Variants in EEPD1 observed in about 807,000 individuals in gnomAD.
EEPD1 encodes endonuclease/exonuclease/phosphatase family domain containing 1, also known as endonuclease/exonuclease/phosphatase family domain-containing protein 1.
Under a neutral mutation model 46.3 loss-of-function variants are expected in EEPD1, and 17 were observed. The ratio of observed to expected loss-of-function variants is 0.37; its 90% CI spans 0.25 to 0.55. The LOEUF (loss-of-function observed/expected upper bound fraction) is 0.55. Among genes scored for constraint, EEPD1 ranks in the 20% least tolerant of loss-of-function variants. The probability of loss-of-function intolerance (pLI) is 0.83; values close to 1 mark genes in which losing one functional copy is unlikely to be tolerated. For missense variants in EEPD1, 673 were observed against 745.6 expected (o/e 0.90, Z 1.13); for synonymous variants, 313 against 315.6 (o/e 0.99, Z 0.09).
chr7:36,269,986 C>T (rs924968452), intron 3 of EEPD1, among the ~76,000 whole-genome samples: 4 of 152,136 alleles, frequency 2.6e-5, no homozygotes, highest in East Asian at 3.8e-4. Flanking sequence ...ATGAAAGCTT[C>T]GCCACCAAGG....
At chr7:36,254,031 T>G (rs772712364) in intron 3 of EEPD1, among the ~76,000 whole-genome samples, 188 of 152,228 alleles carry the variant, frequency 1.2e-3, no homozygotes, top group Non-Finnish European at 7.8e-4. Context: ...TCTTTTGCAT[T>G]AAGTGAATAT....
intron 2 of EEPD1, among the ~76,000 whole-genome samples, chr7:36,168,741 G>A (rs1258395370): frequency 2.8e-5 from 4 of 143,758 alleles, no homozygotes; most frequent in African/African-American, 1.0e-4. Flanking sequence ...CTGGGCGACA[G>A]AGCAAGACTC....
chr7:36,162,793 T>G (rs1348410213), intron 2 of EEPD1, among the ~76,000 whole-genome samples: 2 of 152,338 alleles, frequency 1.3e-5, no homozygotes, highest in South Asian at 2.1e-4. Flanking sequence ...ATTAAGCTGT[T>G]AAGCTGGGCC....
intron 3 of EEPD1, among the ~76,000 whole-genome samples, chr7:36,250,984 T>C (rs575317773): frequency 3.3e-5 from 5 of 152,320 alleles, no homozygotes; most frequent in African/African-American, 1.2e-4. Flanking sequence ...TAGTGCCCAG[T>C]CAACAGGGGG....
intron 2 of EEPD1, among the ~76,000 whole-genome samples, chr7:36,211,189 C>T (rs375329972): frequency 2.0e-5 from 3 of 152,190 alleles, no homozygotes; most frequent in South Asian, 2.1e-4. Flanking sequence ...CGGTGCCCTT[C>T]GGTGCCCAGA....
intron 3 of EEPD1, among the ~76,000 whole-genome samples, chr7:36,253,919 AC>A (rs1786787907): frequency 6.6e-6 from 1 of 152,100 alleles, no homozygotes; most frequent in Non-Finnish European, 1.5e-5. Context: ...TAGTCCATTC[AC>A]ATTTAATGCT....
At chr7:36,176,003 C>A (rs2115642041) in intron 2 of EEPD1, among the ~76,000 whole-genome samples, 1 of 152,308 alleles carries the variant, frequency 6.6e-6, no homozygotes, top group Middle Eastern at 3.4e-3. Flanking sequence ...GGCGTGGGCC[C>A]TTTCAGCCCT....
Position 36,241,066 on chromosome 7 carries a change from G to A in EEPD1, c.930+2030G>A, listed in dbSNP as rs78432484. ...CAAAATACAAACAATTGATCCTTCT[G>A]TGTAAAGGGGTATGTGAGTTCCTTG... On this transcript the variant is annotated intron_variant, in intron 3 of 7. Coordinates refer to ENST00000242108, the MANE Select transcript of EEPD1 (RefSeq NM_030636.3). Among the ~76,000 whole-genome samples, 854 of 152,292 alleles carry A rather than the reference G, an allele frequency of 5.6e-3. 5 individuals carry two copies. Among genetic ancestry groups the A allele is most frequent in the African/African-American group, 0.018 (740 of 41,550 alleles).
chr7:36,172,011 T>C (rs1785091659), intron 2 of EEPD1, among the ~76,000 whole-genome samples: 2 of 152,234 alleles, frequency 1.3e-5, no homozygotes, highest in African/African-American at 4.8e-5. Flanking sequence ...TTATGTTAAA[T>C]ATTTATACAT....
chr7:36,222,767 AAGC>A (rs1414573591), intron 2 of EEPD1, among the ~76,000 whole-genome samples: 1 of 152,172 alleles, frequency 6.6e-6, no homozygotes, highest in African/African-American at 2.4e-5. Flanking sequence ...GGAAGGAGCA[AAGC>A]AGCTCTCTTC....
intron 2 of EEPD1, among the ~76,000 whole-genome samples, chr7:36,194,038 C>T (rs1288142459): frequency 6.6e-6 from 1 of 152,216 alleles, no homozygotes; most frequent in Non-Finnish European, 1.5e-5. Flanking sequence ...ATTTTGCGTT[C>T]TTTTCATCAC....
At chr7:36,211,048 G>C (rs1210449775) in intron 2 of EEPD1, among the ~76,000 whole-genome samples, 1 of 152,152 alleles carries the variant, frequency 6.6e-6, no homozygotes, top group Non-Finnish European at 1.5e-5. Context: ...GTTGTAATGT[G>C]ACATGAAAAG....
intron 3 of EEPD1, among the ~76,000 whole-genome samples, chr7:36,262,578 CT>C (rs1562705566): frequency 6.6e-6 from 1 of 152,152 alleles, no homozygotes; most frequent in Non-Finnish European, 1.5e-5. Context: ...CTCGTCTCCC[CT>C]GATTCTTCTC....
chr7:36,278,527 A>G (rs1787216028), intron 3 of EEPD1, among the ~76,000 whole-genome samples: 1 of 151,910 alleles, frequency 6.6e-6, no homozygotes, highest in African/African-American at 2.4e-5. Flanking sequence ...GCGCTTCTTA[A>G]AAATAGAGCT....
intron 3 of EEPD1, among the ~76,000 whole-genome samples, chr7:36,266,764 C>G (rs1008140599): frequency 1.3e-5 from 2 of 152,192 alleles, no homozygotes; most frequent in African/African-American, 4.8e-5. Flanking sequence ...CTGGCACCTA[C>G]CAATCTGGAT....
chr7:36,224,808 G>A (rs1786205372), intron 2 of EEPD1, among the ~76,000 whole-genome samples: 1 of 151,996 alleles, frequency 6.6e-6, no homozygotes, highest in South Asian at 2.1e-4. Flanking sequence ...CCTAATCCTT[G>A]GCACTTGTGA....
chr7:36,272,230 C>A (rs888551693), intron 3 of EEPD1, among the ~76,000 whole-genome samples: 2 of 152,100 alleles, frequency 1.3e-5, no homozygotes, highest in Non-Finnish European at 2.9e-5. Context: ...CTATGGAAGT[C>A]TTAATTCCCA....
chr7:36,154,691 C>A lies in EEPD1; in HGVS notation c.367C>A (p.Gln123Lys), dbSNP rs1784787854. The A allele has an allele frequency of 6.2e-7, 1 of 1,613,722 alleles. No individual in the cohort carries two copies. The highest frequency in any genetic ancestry group is 8.5e-7 in the Non-Finnish European group (1 of 1,179,986). Residue 123 changes from glutamine (Q) to lysine (K), a missense_variant, in exon 2 of 8, where the codon CAG becomes AAG. By Grantham distance (53) the Gln-to-Lys change is moderately conservative. Transcript: ENST00000242108. The surrounding 1 kb of genome is among the most constrained non-coding windows in gnomAD (Gnocchi z 4.2). ...SLRRDLLAEQ[Q>K]PHHLATAVPL... ...GCGGCGGGACCTGCTAGCGGAGCAG[C>A]AGCCTCACCACCTGGCCACAGCTGT...
rs538965787 is a variant in EEPD1 at position 36,197,850 on chromosome 7, G to A, written c.879-41135G>A. Among the ~76,000 whole-genome samples, 5 of 150,892 alleles carry A rather than the reference G, an allele frequency of 3.3e-5. No homozygotes were observed. In the South Asian group the frequency reaches 1.0e-3, roughly 32 times the overall value. ...CCCTCCACTATTGTCTTATGACCCT[G>A]CCAAATCCCCCTCTGCGAGAAACAC... On this transcript the variant is annotated intron_variant, in intron 2 of 7. Coordinates refer to ENST00000242108, the MANE Select transcript of EEPD1 (RefSeq NM_030636.3).
Sources: allele counts gnomAD v4.1 joint callset (sites outside exome capture counted in the v4.1 genomes callset), GRCh38; gene constraint gnomAD v4.1.1; non-coding constraint Gnocchi (gnomAD v3.1); transcripts MANE v1.5; gene names NCBI Gene and HGNC (gene_info 2026-07-23, HGNC 2026-07-21).